The following FRAS1 variants were observed in gnomAD, a reference collection of about 807,000 sequenced individuals.
The protein encoded by FRAS1 is Fraser extracellular matrix complex subunit 1.
Under a neutral mutation model 435.2 loss-of-function variants are expected in FRAS1, and 290 were observed. That is an observed-to-expected ratio of 0.67 (90% CI 0.61 to 0.73). The LOEUF (loss-of-function observed/expected upper bound fraction) is 0.73, where lower values mean the gene tolerates loss of function less well. Ranked by LOEUF, FRAS1 falls within the 30% of genes least tolerant of loss-of-function variation. FRAS1 has a pLI of 0.00. For missense variants in FRAS1, 4,860 were observed against 5,001.5 expected (o/e 0.97, Z 0.85); for synonymous variants, 1,800 against 1,851.0 (o/e 0.97, Z 0.71).
In FRAS1 at chr4:78,297,325, A is replaced by G. The variant is rs1728184562; in HGVS notation, c.1535-10741A>G. 3.3e-5 allele frequency among the ~76,000 whole-genome samples: 5 copies of G among 152,308 alleles called. No homozygotes were observed. The South Asian group carries it at 1.0e-3, about 32-fold the overall frequency. On this transcript the variant is annotated intron_variant, in intron 14 of 73. Transcript: ENST00000512123. The stretch of plus-strand genomic sequence containing the variant: ...AAACTTACTCCAAACAGCCACAGAA[A>G]AGAGGAAATGGGTGTCGGTGTCCAC...
rs376621772 is a variant in FRAS1 at position 78,432,417 on chromosome 4, C to T, written c.5030C>T (p.Ser1677Phe). 1.2e-6 allele frequency: 2 copies of T among 1,611,580 alleles called. No homozygotes were observed. The highest frequency in any genetic ancestry group is 2.7e-5 in the African/African-American group (2 of 74,890). Residue 1677 changes from serine to phenylalanine, a missense_variant, in exon 38 of 74, where the codon TCC becomes TTC. Ser to Phe is a radical substitution (Grantham distance 155). Transcript: ENST00000512123. ...KNALQYIHDG[S>F]STREDSMEIS... ...GCTCTACAGTATATACATGATGGTT[C>T]CTCTACCCGGGAAGACAGCATGGAG... is the stretch of plus-strand genomic sequence containing the variant.
chr4:78,393,714 A>T (rs146130324), intron 29 of FRAS1, among the ~76,000 whole-genome samples: 1 of 152,204 alleles, frequency 6.6e-6, no homozygotes, highest in Non-Finnish European at 1.5e-5. Flanking sequence ...ATAATACTAC[A>T]ATGAACGTGG....
At chr4:78,372,304 A>G (rs1412069147) in intron 23 of FRAS1, among the ~76,000 whole-genome samples, 1 of 152,176 alleles carries the variant, frequency 6.6e-6, no homozygotes, top group Non-Finnish European at 1.5e-5. Context: ...TGAGTGTCTG[A>G]CATCTCTTTA....
intron 9 of FRAS1, among the ~76,000 whole-genome samples, chr4:78,272,190 C>A (rs1402359056): frequency 6.6e-6 from 1 of 152,036 alleles, no homozygotes; most frequent in Non-Finnish European, 1.5e-5. Context: ...TGTTTGAGTT[C>A]TATGTAGATT....
At chr4:78,476,756 A>G (rs1719863414) in intron 54 of FRAS1, among the ~76,000 whole-genome samples, 1 of 152,182 alleles carries the variant, frequency 6.6e-6, no homozygotes, top group Non-Finnish European at 1.5e-5. Flanking sequence ...AGTGTTTTAA[A>G]ATATGAAGCT....
At chr4:78,126,476 T>C (rs1395076921) in intron 2 of FRAS1, among the ~76,000 whole-genome samples, 2 of 152,236 alleles carry the variant, frequency 1.3e-5, no homozygotes. Context: ...TCACCCATCT[T>C]CTGCGTCAAT....
chr4:78,168,311 T>G (rs1721415941), intron 2 of FRAS1, among the ~76,000 whole-genome samples: 1 of 152,094 alleles, frequency 6.6e-6, no homozygotes. Flanking sequence ...ACCAAGACAA[T>G]GTCTGAAGGT....
intron 14 of FRAS1, among the ~76,000 whole-genome samples, chr4:78,294,953 G>T (rs1026452348): frequency 6.6e-6 from 1 of 151,922 alleles, no homozygotes; most frequent in Non-Finnish European, 1.5e-5. Flanking sequence ...TAGTATTTTG[G>T]TGTATGTCTT....
At chr4:78,501,273 A>G (rs1720673681) in intron 61 of FRAS1, among the ~76,000 whole-genome samples, 2 of 152,158 alleles carry the variant, frequency 1.3e-5, no homozygotes. Context: ...AGCTTCATCC[A>G]TGTCCCTGCA....
rs775441148 is a variant in FRAS1 at position 78,412,975 on chromosome 4, A to G, written c.4315A>G (p.Ser1439Gly). 1.3e-6 allele frequency: 2 copies of G among 1,599,720 alleles called. No individual in the cohort carries two copies. The highest frequency in any genetic ancestry group is 4.5e-5 in the East Asian group (2 of 43,996). The change falls in exon 32 of 74, where the codon AGT becomes GGT. Residue 1439 changes from serine to glycine, a missense_variant. Physicochemically the swap from Ser to Gly is moderately conservative, Grantham distance 56. Coordinates refer to ENST00000512123, the MANE Select transcript of FRAS1 (RefSeq NM_025074.7). The part of the protein sequence containing the change: ...QSDSFRFEVS[S>G]ASNAQTRLES... ...AGGATGACTTTCTTTTCAGGTGTCC[A>G]GTGCCTCCAATGCCCAGACCCGCCT...
chr4:78,160,474 A>G (rs1233183789), intron 2 of FRAS1, among the ~76,000 whole-genome samples: 1 of 152,118 alleles, frequency 6.6e-6, no homozygotes, highest in Admixed American at 6.5e-5. Flanking sequence ...CATCAACTGG[A>G]TGTGTTTAGT....
At chr4:78,218,202 C>T (rs1440458675) in intron 2 of FRAS1, among the ~76,000 whole-genome samples, 2 of 148,588 alleles carry the variant, frequency 1.3e-5, no homozygotes, top group African/African-American at 5.0e-5. Context: ...TTTCTCCTCT[C>T]TTGGACTCTT....
At chr4:78,154,642 T>G (rs1720806200) in intron 2 of FRAS1, among the ~76,000 whole-genome samples, 1 of 152,206 alleles carries the variant, frequency 6.6e-6, no homozygotes, top group South Asian at 2.1e-4. Context: ...ATTGGATTCA[T>G]GTAACCATTT....
At chr4:78,454,985 G>A (rs1719142567) in intron 47 of FRAS1, among the ~76,000 whole-genome samples, 1 of 152,206 alleles carries the variant, frequency 6.6e-6, no homozygotes, top group Middle Eastern at 3.4e-3. Flanking sequence ...GTTCCTTCAG[G>A]TGCCCTTTTC....
chr4:78,282,862 T>G lies in FRAS1; in HGVS notation c.1150T>G (p.Cys384Gly), dbSNP rs1358324635. 2 of 1,613,108 alleles carry G rather than the reference T, an allele frequency of 1.2e-6. No individual in the cohort carries two copies. Among genetic ancestry groups the G allele is most frequent in the Admixed American group, 3.3e-5 (2 of 59,964 alleles). ...AGATGGCCCTTGCAAGGTGTGTGAG[T>G]GCCGAGGGGCTCAGGTAACTTGCTA... ...WEDGPCKVCECRGAQVTCYEP... is the reference protein window; with the variant it reads ...WEDGPCKVCEGRGAQVTCYEP... The change falls in exon 12 of 74, where the codon TGC (cysteine) becomes GGC (glycine). Residue 384 changes from cysteine (C) to glycine (G), a missense_variant. Coordinates refer to ENST00000512123, the MANE Select transcript of FRAS1 (RefSeq NM_025074.7).
At chr4:78,454,284 G>A (rs1719119316) in intron 47 of FRAS1, among the ~76,000 whole-genome samples, 1 of 152,172 alleles carries the variant, frequency 6.6e-6, no homozygotes. Flanking sequence ...GACCAGGGTG[G>A]CTGCAGCAGA....
intron 58 of FRAS1, among the ~76,000 whole-genome samples, chr4:78,485,488 C>A (rs1246982989): frequency 1.3e-5 from 2 of 152,114 alleles, no homozygotes; most frequent in East Asian, 3.8e-4. Flanking sequence ...GAAGCTACAG[C>A]AATATGTGTT....
At chr4:78,113,297 C>T (rs1254206306) in intron 2 of FRAS1, among the ~76,000 whole-genome samples, 7 of 152,012 alleles carry the variant, frequency 4.6e-5, no homozygotes, top group African/African-American at 1.2e-4. Flanking sequence ...TAAGTGTGCA[C>T]GTGTCTTTAT....
At position 78,465,755 on chromosome 4, in the gene FRAS1, G is replaced by A. The variant is rs181483457; in HGVS notation, c.7030-453G>A. 2.6e-5 allele frequency among the ~76,000 whole-genome samples: 4 copies of A among 152,346 alleles called. No individual in the cohort carries two copies. In the East Asian group the frequency reaches 7.7e-4, roughly 29 times the overall value. On this transcript the variant is annotated intron_variant, in intron 49 of 73. Coordinates refer to ENST00000512123, the MANE Select transcript of FRAS1 (RefSeq NM_025074.7). ...TAAGTTGGTGGGAAACCCTTGGAAA[G>A]CCTTGGGAAGGATTTTATGCCTCTT...
Sources: allele counts gnomAD v4.1 joint callset (sites outside exome capture counted in the v4.1 genomes callset), GRCh38; gene constraint gnomAD v4.1.1; transcripts MANE v1.5; gene names NCBI Gene and HGNC (gene_info 2026-07-23, HGNC 2026-07-21).